Variants in CTNNB1 observed in about 807,000 individuals in gnomAD.
The protein encoded by CTNNB1 is catenin beta-1.
A neutral mutation model predicts 82.5 loss-of-function variants in CTNNB1; 6 were observed. That is an observed-to-expected ratio of 0.07 (90% CI 0.04 to 0.14). The LOEUF (loss-of-function observed/expected upper bound fraction) is 0.14, where lower values mean the gene tolerates loss of function less well. CTNNB1 is among the 10% of genes least tolerant of loss of function. CTNNB1 has a pLI of 1.00. For synonymous variants in CTNNB1, 312 were observed against 329.7 expected (o/e 0.95, Z 0.58); for missense variants, 529 against 980.4 (o/e 0.54, Z 6.15).
chr3:41,239,129 T>TC lies in CTNNB1; in HGVS notation c.2138-4dup, dbSNP rs2078512189. On this transcript the variant is annotated splice_polypyrimidine_tract_variant and splice_region_variant and intron_variant, in intron 14 of 14. Transcript: ENST00000349496. ...CCTATTTTGTTGACACCCTGACTCT[T>TC]CTAGATCCTAGCTATCGTTCTTTTC... 3 of 1,613,328 alleles carry TC rather than the reference T, an allele frequency of 1.9e-6. No homozygotes were observed. In the South Asian group the frequency reaches 3.3e-5, roughly 18 times the overall value.
At chr3:41,213,510 C>G (rs2077844638) in intron 1 of CTNNB1, among the ~76,000 whole-genome samples, 1 of 152,208 alleles carries the variant, frequency 6.6e-6, no homozygotes, top group South Asian at 2.1e-4. Flanking sequence ...GCAGTAATCA[C>G]TACTGCACAC....
chr3:41,219,547 A>G (rs1389424275), intron 1 of CTNNB1, among the ~76,000 whole-genome samples: 1 of 152,240 alleles, frequency 6.6e-6, no homozygotes, highest in African/African-American at 2.4e-5. Flanking sequence ...ATAAATAAGC[A>G]TATGAACTTA....
chr3:41,210,932 C>T (rs976821541), intron 1 of CTNNB1: 2 of 429,918 alleles, frequency 4.7e-6, no homozygotes, highest in African/African-American at 4.0e-5. Context: ...TGGGACTACA[C>T]CAGGCACCCC....
At position 41,224,078 on chromosome 3, in the gene CTNNB1, C is replaced by T; in HGVS notation, c.10C>T (p.Gln4Ter). MAT[Q>*]ADLMELDMAM... is the part of the protein sequence containing the mutation. ...AAATCCAGCGTGGACAATGGCTACT[C>T]AAGGTTTGTGTCATTAAATCTTTAG... The change falls in exon 2 of 15, where the codon CAA (glutamine) becomes TAA (stop). Residue 4 changes from glutamine (Q) to a stop codon, truncating the protein, a stop_gained. Transcript: ENST00000349496. LOFTEE classifies it high-confidence loss of function. 6.2e-7 allele frequency: 1 copy of T among 1,613,818 alleles called. No homozygotes were observed. The highest frequency in any genetic ancestry group is 8.5e-7 in the Non-Finnish European group (1 of 1,179,768).
chr3:41,206,364 A>C (rs2077649355), intron 1 of CTNNB1, among the ~76,000 whole-genome samples: 1 of 152,182 alleles, frequency 6.6e-6, no homozygotes, highest in African/African-American at 2.4e-5. Flanking sequence ...TTAGTGTGAT[A>C]AGCTTCTCTT....
intron 7 of CTNNB1, among the ~76,000 whole-genome samples, chr3:41,228,176 G>A (rs575391614): frequency 4.6e-5 from 7 of 152,182 alleles, no homozygotes; most frequent in African/African-American, 1.7e-4. Flanking sequence ...ATGCTGCAGT[G>A]AACATATGCA....
At chr3:41,230,679 G>T (rs1302924028) in intron 7 of CTNNB1, among the ~76,000 whole-genome samples, 1 of 152,134 alleles carries the variant, frequency 6.6e-6, no homozygotes. Context: ...GAGGGAAAAG[G>T]TCTCCTTGAA....
At chr3:41,204,084 A>T (rs2077593728) in intron 1 of CTNNB1, among the ~76,000 whole-genome samples, 1 of 151,458 alleles carries the variant, frequency 6.6e-6, no homozygotes, top group Non-Finnish European at 1.5e-5. Flanking sequence ...ATGTATTGCT[A>T]TAGTTAGGGT....
Position 41,236,727 on chromosome 3 carries a change from G to T in CTNNB1, c.2076+18G>T, listed in dbSNP as rs1265132758. On this transcript the variant is annotated intron_variant, in intron 13 of 14. Transcript: ENST00000349496. The stretch of plus-strand genomic sequence containing the variant: ...GGAATGAGGTAGGGAAATGTGAGCA[G>T]TTATTTATCTGGTAGTTTCCTAGAG... 6.2e-7 allele frequency: 1 copy of T among 1,614,090 alleles called. No homozygotes were observed. Among genetic ancestry groups the T allele is most frequent in the Non-Finnish European group, 8.5e-7 (1 of 1,179,978 alleles).
At position 41,225,354 on chromosome 3, in the gene CTNNB1, A is replaced by C; in HGVS notation, c.516A>C (p.Ala172=). Residue 172 remains alanine, a synonymous_variant, in exon 5 of 15, where the codon GCA becomes GCC. Transcript: ENST00000349496. The surrounding 1 kb of genome is among the most constrained non-coding windows in gnomAD (Gnocchi z 5.3). ...TACAGGTGGTGGTTAATAAGGCTGC[A>C]GTTATGGTCCATCAGCTTTCTAAAA... ...DEDQVVVNKA[A]VMVHQLSKKE... is the part of the protein sequence containing the mutation. 1.2e-6 allele frequency: 2 copies of C among 1,614,080 alleles called. No individual in the cohort carries two copies. The highest frequency in any genetic ancestry group is 1.7e-6 in the Non-Finnish European group (2 of 1,179,978).
At chr3:41,215,410 T>A (rs1210240045) in intron 1 of CTNNB1, among the ~76,000 whole-genome samples, 1 of 147,106 alleles carries the variant, frequency 6.8e-6, no homozygotes. Context: ...AAAAACACTC[T>A]TAGGTTATAA....
intron 1 of CTNNB1, among the ~76,000 whole-genome samples, chr3:41,204,590 G>A (rs2077606880): frequency 6.6e-6 from 1 of 152,198 alleles, no homozygotes; most frequent in African/African-American, 2.4e-5. Flanking sequence ...GTCATAAGCA[G>A]CTCCAGCCAC....
At chr3:41,212,483 C>G (rs2077817308) in intron 1 of CTNNB1, among the ~76,000 whole-genome samples, 1 of 152,180 alleles carries the variant, frequency 6.6e-6, no homozygotes, top group African/African-American at 2.4e-5. Context: ...CTCTTGCTGA[C>G]TTCACCACTG....
intron 7 of CTNNB1, 88 bp from the exon 8 acceptor site, chr3:41,233,253 G>C (rs191960293): frequency 9.4e-7 from 1 of 1,062,384 alleles, no homozygotes; most frequent in East Asian, 2.5e-5. Flanking sequence ...AATACAGAAG[G>C]ACACCTCCTA....
At chr3:41,214,888 T>C (rs1330751493) in intron 1 of CTNNB1, among the ~76,000 whole-genome samples, 1 of 152,200 alleles carries the variant, frequency 6.6e-6, no homozygotes, top group Admixed American at 6.5e-5. Context: ...TCCATGCTTA[T>C]GTAAGTGTGC....
At chr3:41,236,236 C>CTACA in intron 11 of CTNNB1, 113 bp from the exon 12 acceptor site, 1 of 1,197,268 alleles carries the variant, frequency 8.4e-7, no homozygotes, top group Non-Finnish European at 1.2e-6. Flanking sequence ...ATATTATTTA[C>CTACA]TACAGTGTGA....
intron 14 of CTNNB1, 144 bp downstream of exon 14, chr3:41,238,220 C>T (rs2078487139): frequency 2.7e-6 from 2 of 742,684 alleles, no homozygotes; most frequent in African/African-American, 3.4e-5. Flanking sequence ...AAATTCCAGT[C>T]AGCAACAGTA....
chr3:41,236,531 A>T (rs773413012), intron 12 of CTNNB1, 32 bp downstream of exon 12: 26 of 1,614,046 alleles, frequency 1.6e-5, no homozygotes, highest in Middle Eastern at 3.3e-4. Context: ...CCTTTAGCAG[A>T]TGTGTACATT....
intron 14 of CTNNB1, 53 bp from the exon 15 acceptor site, chr3:41,239,081 T>C (rs1485358899): frequency 2.6e-5 from 38 of 1,449,510 alleles, no homozygotes; most frequent in Non-Finnish European, 3.5e-5. Context: ...GCTTCTCTCC[T>C]CTCTCTTTTG....
Sources: allele counts gnomAD v4.1 joint callset (sites outside exome capture counted in the v4.1 genomes callset), GRCh38; gene constraint gnomAD v4.1.1; non-coding constraint Gnocchi (gnomAD v3.1); transcripts MANE v1.5; gene names NCBI Gene and HGNC (gene_info 2026-07-23, HGNC 2026-07-21).